The following DPYD variants were observed in gnomAD, a reference collection of about 807,000 sequenced individuals.
DPYD encodes the protein dihydropyrimidine dehydrogenase, also known as dihydropyrimidine dehydrogenase [NADP(+)].
In DPYD, 109 loss-of-function variants were observed where a neutral mutation model predicts 116.2. The observed-to-expected ratio is 0.94, with a 90% CI of 0.80 to 1.10. DPYD has a LOEUF of 1.10. Among genes scored for constraint, DPYD ranks in the 50% least tolerant of loss-of-function variants. The probability of loss-of-function intolerance (pLI) is 0.00; values close to 1 mark genes in which losing one functional copy is unlikely to be tolerated. For missense variants in DPYD, 1,302 were observed against 1,254.5 expected, an observed-to-expected ratio of 1.04 and a Z score of -0.57; for synonymous variants, 440 against 432.0, an observed-to-expected ratio of 1.02 and a Z score of -0.23.
intron 3 of DPYD, among the ~76,000 whole-genome samples, chr1:97,782,224 G>T (rs1666786810): frequency 6.6e-6 from 1 of 152,140 alleles, no homozygotes; most frequent in South Asian, 2.1e-4. Context: ...AGGATGCTTT[G>T]TCCATACTGC....
chr1:97,594,681 AGAG>A (rs1654754338), intron 9 of DPYD, among the ~76,000 whole-genome samples: 1 of 152,134 alleles, frequency 6.6e-6, no homozygotes, highest in Admixed American at 6.5e-5. Context: ...TTACTGTTTA[AGAG>A]AAGACAGTCA....
At chr1:97,229,931 C>T (rs1243867341) in intron 19 of DPYD, among the ~76,000 whole-genome samples, 2 of 151,976 alleles carry the variant, frequency 1.3e-5, no homozygotes, top group Non-Finnish European at 2.9e-5. Flanking sequence ...CCTTGTATCC[C>T]CTCTTCACAA....
intron 2 of DPYD, among the ~76,000 whole-genome samples, chr1:97,864,756 T>C (rs1257113374): frequency 6.6e-6 from 1 of 151,852 alleles, no homozygotes; most frequent in African/African-American, 2.4e-5. Context: ...TGGAAATATG[T>C]TCACCAGATT....
chr1:97,083,330 C>T (rs750172740), intron 21 of DPYD, among the ~76,000 whole-genome samples: 1 of 152,072 alleles, frequency 6.6e-6, no homozygotes, highest in Non-Finnish European at 1.5e-5. Context: ...GGTCCATGTT[C>T]AAGGAGGTTT....
chr1:97,746,837 A>C (rs888386580), intron 3 of DPYD, among the ~76,000 whole-genome samples: 2 of 152,116 alleles, frequency 1.3e-5, no homozygotes, highest in Non-Finnish European at 2.9e-5. Flanking sequence ...TAAACGATAT[A>C]AAAATGAAAA....
At chr1:97,252,197 A>G (rs2100814857) in intron 18 of DPYD, among the ~76,000 whole-genome samples, 1 of 152,278 alleles carries the variant, frequency 6.6e-6, no homozygotes, top group Middle Eastern at 3.4e-3. Flanking sequence ...ATGAAATTTC[A>G]GGCTCTTGTC....
intron 1 of DPYD, among the ~76,000 whole-genome samples, chr1:97,890,683 T>C (rs1310515716): frequency 3.9e-5 from 6 of 151,978 alleles, no homozygotes; most frequent in African/African-American, 1.2e-4. Flanking sequence ...TTAATTCAAA[T>C]TGAGAAATAA....
intron 20 of DPYD, among the ~76,000 whole-genome samples, chr1:97,173,226 ATATATGCG>A (rs1483041412): frequency 7.6e-5 from 8 of 104,930 alleles, no homozygotes; most frequent in Non-Finnish European, 1.2e-4. Context: ...ATATACGTAC[ATATATGCG>A]CACACATATA....
chr1:97,916,811 C>T (rs79616494), intron 1 of DPYD, among the ~76,000 whole-genome samples: 2,092 of 152,230 alleles, frequency 0.014, 23 homozygotes, highest in Non-Finnish European at 0.024. Context: ...AGTACAAGGC[C>T]AGCCCGGGCA....
chr1:97,416,740 G>GC (rs1674311188), intron 14 of DPYD, among the ~76,000 whole-genome samples: 1 of 152,102 alleles, frequency 6.6e-6, no homozygotes, highest in African/African-American at 2.4e-5. Flanking sequence ...TTAAACAAAT[G>GC]CAAAAGTCTT....
intron 19 of DPYD, among the ~76,000 whole-genome samples, chr1:97,215,351 C>T (rs1220529248): frequency 6.6e-6 from 1 of 152,218 alleles, no homozygotes; most frequent in East Asian, 1.9e-4. Flanking sequence ...TCAGTGACTT[C>T]CTGTTCTTAT....
chr1:97,386,518 C>T (rs535753616), intron 14 of DPYD, among the ~76,000 whole-genome samples: 1 of 152,216 alleles, frequency 6.6e-6, no homozygotes, highest in Admixed American at 6.6e-5. Flanking sequence ...CTAATAAATA[C>T]CACACTTTGG....
chr1:97,243,833 A>G (rs555481962), intron 18 of DPYD, among the ~76,000 whole-genome samples: 1 of 152,076 alleles, frequency 6.6e-6, no homozygotes, highest in Admixed American at 6.6e-5. Context: ...ACATAATGTA[A>G]CAATAGCTAT....
chr1:97,543,923 T>C (rs911026640), intron 12 of DPYD, among the ~76,000 whole-genome samples: 3 of 152,066 alleles, frequency 2.0e-5, no homozygotes, highest in African/African-American at 7.2e-5. Context: ...AGAAAGCCAA[T>C]CCTGAAGGAC....
chr1:97,283,343 C>G (rs1216328163), intron 18 of DPYD, among the ~76,000 whole-genome samples: 1 of 152,024 alleles, frequency 6.6e-6, no homozygotes, highest in Non-Finnish European at 1.5e-5. Flanking sequence ...TCTACTGGTT[C>G]TTGTGCCAGA....
At chr1:97,189,740 T>C (rs1570632797) in intron 20 of DPYD, among the ~76,000 whole-genome samples, 2 of 152,302 alleles carry the variant, frequency 1.3e-5, no homozygotes, top group South Asian at 4.1e-4. Flanking sequence ...TGTATGGATT[T>C]AGAAATATCT....
intron 2 of DPYD, among the ~76,000 whole-genome samples, chr1:97,868,571 T>A (rs1036019023): frequency 6.6e-6 from 1 of 151,814 alleles, no homozygotes; most frequent in Non-Finnish European, 1.5e-5. Context: ...CTTTTAAAAT[T>A]CCTCAGTTCA....
At chr1:97,826,348 A>G (rs962662903) in intron 3 of DPYD, among the ~76,000 whole-genome samples, 4 of 152,094 alleles carry the variant, frequency 2.6e-5, no homozygotes, top group African/African-American at 9.7e-5. Context: ...CACTGATTAC[A>G]TATCCTTTCC....
intron 6 of DPYD, among the ~76,000 whole-genome samples, chr1:97,694,900 T>C (rs1360694872): frequency 6.6e-5 from 10 of 152,244 alleles, no homozygotes; most frequent in Admixed American, 5.2e-4. Context: ...ATAGTTGCTA[T>C]TGAGTTTTAG....
Sources: allele counts gnomAD v4.1 joint callset (sites outside exome capture counted in the v4.1 genomes callset), GRCh38; gene constraint gnomAD v4.1.1; transcripts MANE v1.5; gene names NCBI Gene and HGNC (gene_info 2026-07-23, HGNC 2026-07-21).